The following ZDHHC14 variants were observed in gnomAD, a reference collection of about 807,000 sequenced individuals.
The protein encoded by ZDHHC14 is zDHHC palmitoyltransferase 14.
In ZDHHC14, 16 loss-of-function variants were observed where a neutral mutation model predicts 47.7. That is an observed-to-expected ratio of 0.34 (90% CI 0.23 to 0.51). The LOEUF is 0.51. Ranked by LOEUF, ZDHHC14 falls within the 20% of genes least tolerant of loss-of-function variation. The pLI is 0.97. For synonymous variants in ZDHHC14, 293 were observed against 278.9 expected (o/e 1.05, Z -0.50); for missense variants, 515 against 662.5 (o/e 0.78, Z 2.44).
At chr6:157,648,261 C>T (rs1465178033) in intron 7 of ZDHHC14, among the ~76,000 whole-genome samples, 2 of 152,318 alleles carry the variant, frequency 1.3e-5, no homozygotes, top group Non-Finnish European at 2.9e-5. Flanking sequence ...GTTATTACTG[C>T]TTCCTACCTT....
intron 2 of ZDHHC14, among the ~76,000 whole-genome samples, chr6:157,574,106 C>A (rs1412236116): frequency 6.6e-6 from 1 of 151,726 alleles, no homozygotes; most frequent in Admixed American, 6.6e-5. Context: ...ACACTCTACA[C>A]CTCTCTGTTG....
chr6:157,413,616 G>C (rs1777914453), intron 1 of ZDHHC14, among the ~76,000 whole-genome samples: 1 of 149,462 alleles, frequency 6.7e-6, no homozygotes, highest in Non-Finnish European at 1.5e-5. Flanking sequence ...TCAGAAGGCA[G>C]CCAAAAATTC....
chr6:157,634,972 T>C (rs181509498), intron 5 of ZDHHC14, among the ~76,000 whole-genome samples: 112 of 151,116 alleles, frequency 7.4e-4, no homozygotes, highest in African/African-American at 2.6e-3. Flanking sequence ...GTGTGTAGAG[T>C]GGCCTTGTTG....
intron 3 of ZDHHC14, among the ~76,000 whole-genome samples, chr6:157,611,597 C>T (rs991487978): frequency 6.6e-6 from 1 of 152,216 alleles, no homozygotes; most frequent in African/African-American, 2.4e-5. Context: ...AGACCTTCTT[C>T]CAAGGCAAAG....
In ZDHHC14 at chr6:157,438,576, G is replaced by A. The variant is rs113361873; in HGVS notation, c.245+56310G>A. 6.0e-3 allele frequency among the ~76,000 whole-genome samples: 913 copies of A among 152,326 alleles called. 7 individuals are homozygous for A. Among genetic ancestry groups the A allele is most frequent in the African/African-American group, 0.021 (856 of 41,558 alleles). Reference sequence around the variant, plus strand: ...CCCCCCTGTGAATTTGCAAATGTGAGGATCACCATAGTAACAACCATATTA... The same window carrying A: ...CCCCCCTGTGAATTTGCAAATGTGAAGATCACCATAGTAACAACCATATTA... On this transcript the variant is annotated intron_variant, in intron 1 of 8. Coordinates refer to ENST00000359775, the MANE Select transcript of ZDHHC14 (RefSeq NM_024630.3).
chr6:157,464,792 A>T (rs1352239249), intron 1 of ZDHHC14, among the ~76,000 whole-genome samples: 2 of 152,200 alleles, frequency 1.3e-5, no homozygotes, highest in African/African-American at 4.8e-5. Context: ...AGGCCATTTC[A>T]TGCAGCTTCT....
At chr6:157,486,702 G>C (rs1779786936) in intron 1 of ZDHHC14, among the ~76,000 whole-genome samples, 1 of 152,180 alleles carries the variant, frequency 6.6e-6, no homozygotes, top group African/African-American at 2.4e-5. Context: ...CGAGGGAAGA[G>C]CCCTTCCCAG....
intron 1 of ZDHHC14, among the ~76,000 whole-genome samples, chr6:157,429,889 A>C (rs1242177785): frequency 6.6e-6 from 1 of 152,168 alleles, no homozygotes; most frequent in Non-Finnish European, 1.5e-5. Flanking sequence ...GCCAGAGTTC[A>C]GGATGATAGA....
chr6:157,566,524 A>G (rs1782907681), intron 2 of ZDHHC14, among the ~76,000 whole-genome samples: 1 of 152,166 alleles, frequency 6.6e-6, no homozygotes, highest in African/African-American at 2.4e-5. Flanking sequence ...TCCACTTACC[A>G]CCCTGAAGAA....
At chr6:157,617,682 CTTTTAT>C (rs1191696045) in intron 3 of ZDHHC14, among the ~76,000 whole-genome samples, 2 of 151,984 alleles carry the variant, frequency 1.3e-5, no homozygotes, top group African/African-American at 4.8e-5. Flanking sequence ...ATTCTGAAAT[CTTTTAT>C]TTTGAGGATA....
intron 5 of ZDHHC14, among the ~76,000 whole-genome samples, chr6:157,638,487 G>A (rs1414048547): frequency 6.6e-6 from 1 of 151,314 alleles, no homozygotes; most frequent in African/African-American, 2.4e-5. Flanking sequence ...GACAAATGGA[G>A]AGACTTCTCA....
At chr6:157,628,661 C>A in intron 4 of ZDHHC14, 175 bp downstream of exon 4, 3 of 763,928 alleles carry the variant, frequency 3.9e-6, no homozygotes, top group Non-Finnish European at 4.1e-6. Flanking sequence ...CTCCTCCATC[C>A]CTCCTCCGTC....
At chr6:157,484,408 G>GTGTATATA (rs1431345250) in intron 1 of ZDHHC14, among the ~76,000 whole-genome samples, 16 of 140,738 alleles carry the variant, frequency 1.1e-4, no homozygotes, top group African/African-American at 4.0e-4. Flanking sequence ...ACATATATAT[G>GTGTATATA]TATACACATA....
intron 1 of ZDHHC14, among the ~76,000 whole-genome samples, chr6:157,437,577 G>T (rs1778466147): frequency 1.3e-5 from 2 of 152,188 alleles, no homozygotes; most frequent in South Asian, 4.1e-4. Flanking sequence ...TGGGCTCACA[G>T]GTCCCTGGAA....
chr6:157,635,341 T>A (rs1382357861), intron 5 of ZDHHC14, among the ~76,000 whole-genome samples: 3 of 152,160 alleles, frequency 2.0e-5, no homozygotes, highest in African/African-American at 7.2e-5. Context: ...AAGTCATGCA[T>A]CTTATCCTAT....
At chr6:157,611,815 G>A (rs1312649670) in intron 3 of ZDHHC14, among the ~76,000 whole-genome samples, 4 of 152,094 alleles carry the variant, frequency 2.6e-5, no homozygotes, top group South Asian at 4.1e-4. Flanking sequence ...CTTTTTGACC[G>A]GCTCCGTCCC....
chr6:157,538,919 G>A (rs138440492), intron 1 of ZDHHC14, among the ~76,000 whole-genome samples: 152 of 152,278 alleles, frequency 1.0e-3, no homozygotes, highest in African/African-American at 3.3e-3. Context: ...GGCCATTGCT[G>A]GGATTCAGGA....
At chr6:157,597,537 A>G (rs1562499097) in intron 3 of ZDHHC14, among the ~76,000 whole-genome samples, 2 of 152,268 alleles carry the variant, frequency 1.3e-5, no homozygotes. Flanking sequence ...AGTAAGATGA[A>G]ACACTGCCAG....
At chr6:157,445,144 A>ACACT (rs376300431) in intron 1 of ZDHHC14, among the ~76,000 whole-genome samples, 16,351 of 146,606 alleles carry the variant, frequency 0.11, 1,204 homozygotes, top group Middle Eastern at 0.21. Context: ...ACACACACAC[A>ACACT]CTCTTCATAT....
Sources: allele counts gnomAD v4.1 joint callset (sites outside exome capture counted in the v4.1 genomes callset), GRCh38; gene constraint gnomAD v4.1.1; transcripts MANE v1.5; gene names NCBI Gene and HGNC (gene_info 2026-07-23, HGNC 2026-07-21).